Variants in DENND5B observed in about 807,000 individuals in gnomAD.
DENND5B encodes the protein DENN domain-containing protein 5B.
DENND5B carries 34 observed loss-of-function variants against 140.6 expected under a neutral mutation model. The observed-to-expected ratio is 0.24, with a 90% CI of 0.18 to 0.32. DENND5B has a LOEUF of 0.32. Ranked by LOEUF, DENND5B falls within the 10% of genes least tolerant of loss-of-function variation. DENND5B has a pLI of 1.00. For missense variants in DENND5B, 1,142 were observed against 1,560.2 expected (o/e 0.73, Z 4.52); for synonymous variants, 551 against 562.1 (o/e 0.98, Z 0.28).
intron 1 of DENND5B, among the ~76,000 whole-genome samples, chr12:31,538,483 A>G (rs750042848): frequency 2.6e-5 from 4 of 152,212 alleles, no homozygotes; most frequent in African/African-American, 4.8e-5. Context: ...ATCAAAAAAG[A>G]AAAAAACCTC....
At chr12:31,443,198 C>T (rs1285147955) in intron 6 of DENND5B, among the ~76,000 whole-genome samples, 1 of 152,200 alleles carries the variant, frequency 6.6e-6, no homozygotes, top group East Asian at 1.9e-4. Context: ...GCTTCAGCCT[C>T]CCAACTAGCT....
At chr12:31,579,722 GAGGGA>G (rs138344736) in intron 1 of DENND5B, among the ~76,000 whole-genome samples, 77,420 of 139,394 alleles carry the variant, frequency 0.56, 21,981 homozygotes, top group East Asian at 0.83. Flanking sequence ...GTGAGAGAAA[GAGGGA>G]AGGGGAGGGG....
At chr12:31,394,715 G>A (rs1351373978) in intron 17 of DENND5B, among the ~76,000 whole-genome samples, 7 of 151,052 alleles carry the variant, frequency 4.6e-5, no homozygotes, top group South Asian at 2.1e-4. Context: ...CCGGGTTCAC[G>A]CCATTCTCCT....
intron 2 of DENND5B, among the ~76,000 whole-genome samples, chr12:31,482,667 C>T (rs1380909280): frequency 6.6e-6 from 1 of 151,858 alleles, no homozygotes; most frequent in African/African-American, 2.4e-5. Flanking sequence ...CAGCCTCAAA[C>T]TCCTGGGTAA....
At chr12:31,565,661 C>A (rs776292341) in intron 1 of DENND5B, among the ~76,000 whole-genome samples, 1 of 152,182 alleles carries the variant, frequency 6.6e-6, no homozygotes, top group Non-Finnish European at 1.5e-5. Flanking sequence ...CTCTTTTACA[C>A]ATGAGAATGA....
chr12:31,554,561 G>A (rs1447587218), intron 1 of DENND5B, among the ~76,000 whole-genome samples: 3 of 151,852 alleles, frequency 2.0e-5, no homozygotes, highest in Non-Finnish European at 4.4e-5. Context: ...CTCTCTCGAG[G>A]AGTATCTTTG....
intron 1 of DENND5B, among the ~76,000 whole-genome samples, chr12:31,505,261 C>G (rs1947154619): frequency 7.5e-6 from 1 of 132,618 alleles, no homozygotes; most frequent in Non-Finnish European, 1.6e-5. Flanking sequence ...TTTTTTGAGA[C>G]AGAGTCTTAC....
intron 17 of DENND5B, 106 bp downstream of exon 17, chr12:31,398,068 CT>C (rs11346977): frequency 0.53 from 569,361 of 1,069,666 alleles, 157,038 homozygotes; most frequent in East Asian, 0.85. Context: ...CAACTTTCTT[CT>C]TTTTAAAATC....
chr12:31,424,732 C>A (rs1283530130), intron 9 of DENND5B, 45 bp from the exon 10 acceptor site: 2 of 1,586,390 alleles, frequency 1.3e-6, no homozygotes, highest in Non-Finnish European at 1.7e-6. Context: ...GCAGTGAAAC[C>A]AAAAACCAAC....
intron 1 of DENND5B, among the ~76,000 whole-genome samples, chr12:31,518,612 A>G (rs901264918): frequency 3.3e-5 from 5 of 151,992 alleles, no homozygotes; most frequent in African/African-American, 1.2e-4. Context: ...TAGCAAGCAA[A>G]TATCTTCAAG....
chr12:31,537,884 A>G (rs1948556442), intron 1 of DENND5B, among the ~76,000 whole-genome samples: 1 of 152,200 alleles, frequency 6.6e-6, no homozygotes, highest in Non-Finnish European at 1.5e-5. Context: ...ATAAGAAGAG[A>G]CAAAGAAGGT....
chr12:31,548,285 T>C (rs985574605), intron 1 of DENND5B, among the ~76,000 whole-genome samples: 9 of 151,732 alleles, frequency 5.9e-5, no homozygotes, highest in East Asian at 1.9e-4. Context: ...GCCCCAGCTA[T>C]TCGGAAAGCT....
rs1183478082 is a variant in DENND5B, at chr12:31,382,744, GAT to G, written c.*4857_*4858del. ...TTTTTTTTTTCCTCTAGCTTGATGT[GAT>G]ATATCTCTGAAGTCAATCTTTATCT... On this transcript the variant is annotated 3_prime_UTR_variant, in exon 21 of 21. Transcript: ENST00000389082. 3 of 151,636 alleles carry G rather than the reference GAT, an allele frequency of 2.0e-5. No homozygotes were observed. The highest frequency in any genetic ancestry group is 7.3e-5 in the African/African-American group (3 of 41,296). The allele number at this position is 151,636 out of a possible 1,614,324, so 9.4% of individuals were successfully genotyped here.
chr12:31,498,589 C>T (rs563907508), intron 1 of DENND5B, among the ~76,000 whole-genome samples: 1 of 152,210 alleles, frequency 6.6e-6, no homozygotes, highest in East Asian at 1.9e-4. Context: ...AAGATCATTG[C>T]TATATATACA....
In DENND5B at chr12:31,413,463, T is replaced by C; in HGVS notation, c.2654A>G (p.Gln885Arg). 2 of 1,613,658 alleles carry C rather than the reference T, an allele frequency of 1.2e-6. No homozygotes were observed. The highest frequency in any genetic ancestry group is 1.7e-6 in the Non-Finnish European group (2 of 1,179,680). ...GGTGAGTGGTTGGTTAGAAAGCAAC[T>C]GCTTAAGATGCTGGGACAAGAGCTT... ...EKKLLSQHLK[Q>R]LLSNQPLTKK... The change falls in exon 13 of 21, where the codon CAG becomes CGG. Residue 885 changes from glutamine (Q) to arginine (R), a missense_variant. This residue lies in a region of DENND5B where 268 missense variants were observed against 349.2 expected (regional missense o/e 0.77). Coordinates refer to ENST00000389082, the MANE Select transcript of DENND5B (RefSeq NM_144973.4).
intron 3 of DENND5B, among the ~76,000 whole-genome samples, chr12:31,464,345 T>C (rs1160422307): frequency 6.6e-6 from 1 of 152,200 alleles, no homozygotes; most frequent in African/African-American, 2.4e-5. Context: ...GGTTCCACTT[T>C]TTCCTCAGGC....
chr12:31,423,262 A>C (rs1036852428), intron 11 of DENND5B, among the ~76,000 whole-genome samples: 4 of 152,080 alleles, frequency 2.6e-5, no homozygotes, highest in Non-Finnish European at 5.9e-5. Context: ...AGAAAAAAAA[A>C]AATTCTAATG....
At chr12:31,587,918 C>G (rs1950453556) in intron 1 of DENND5B, among the ~76,000 whole-genome samples, 1 of 152,154 alleles carries the variant, frequency 6.6e-6, no homozygotes, top group Admixed American at 6.5e-5. Flanking sequence ...ATAGTCTACC[C>G]AACATGGCAG....
chr12:31,497,906 T>TAGGGGC (rs1281869763), intron 1 of DENND5B, among the ~76,000 whole-genome samples: 1 of 9,554 alleles, frequency 1.0e-4, no homozygotes, highest in African/African-American at 4.6e-4. Context: ...AGGGGAGGGG[T>TAGGGGC]AGGGGCAGGG....
Sources: allele counts gnomAD v4.1 joint callset (sites outside exome capture counted in the v4.1 genomes callset), GRCh38; gene constraint gnomAD v4.1.1; regional missense constraint gnomAD v4.1.1; transcripts MANE v1.5; gene names NCBI Gene and HGNC (gene_info 2026-07-23, HGNC 2026-07-21).